The following CPEB3 variants were observed in gnomAD, a reference collection of about 807,000 sequenced individuals.
The protein encoded by CPEB3 is cytoplasmic polyadenylation element-binding protein 3.
A neutral mutation model predicts 67.2 loss-of-function variants in CPEB3; 20 were observed. That is an observed-to-expected ratio of 0.30 (90% CI 0.21 to 0.43). CPEB3 has a LOEUF of 0.43. CPEB3 is among the 20% of genes least tolerant of loss of function. The pLI is 1.00. For synonymous variants in CPEB3, 376 were observed against 393.1 expected (o/e 0.96, Z 0.51); for missense variants, 746 against 968.6 (o/e 0.77, Z 3.05).
intron 2 of CPEB3, among the ~76,000 whole-genome samples, chr10:92,230,812 TC>T (rs1001557832): frequency 5.3e-5 from 8 of 152,088 alleles, no homozygotes; most frequent in Non-Finnish European, 1.2e-4. Flanking sequence ...ACAGCAACCT[TC>T]CCAGGAAAGC....
intron 3 of CPEB3, among the ~76,000 whole-genome samples, chr10:92,186,061 C>T (rs1224468119): frequency 6.6e-6 from 1 of 151,834 alleles, no homozygotes; most frequent in African/African-American, 2.4e-5. Flanking sequence ...AAAGACTGTA[C>T]TCGAGAACAA....
At chr10:92,263,358 C>T (rs1338952322) in intron 1 of CPEB3, among the ~76,000 whole-genome samples, 2 of 152,094 alleles carry the variant, frequency 1.3e-5, no homozygotes, top group Non-Finnish European at 2.9e-5. Flanking sequence ...TTACGGGCCT[C>T]GTGAGCCACT....
At chr10:92,200,629 T>C (rs1414321992) in intron 2 of CPEB3, among the ~76,000 whole-genome samples, 1 of 151,786 alleles carries the variant, frequency 6.6e-6, no homozygotes, top group East Asian at 1.9e-4. Context: ...GGATGACTAA[T>C]TCCACTTACT....
chr10:92,101,377 T>G (rs980305703), intron 7 of CPEB3, among the ~76,000 whole-genome samples: 5 of 152,026 alleles, frequency 3.3e-5, no homozygotes, highest in African/African-American at 9.7e-5. Flanking sequence ...TTAGTCTACA[T>G]AAATTGGAAA....
chr10:92,227,981 G>A (rs189207990), intron 2 of CPEB3, among the ~76,000 whole-genome samples: 51 of 152,116 alleles, frequency 3.4e-4, no homozygotes, highest in African/African-American at 1.0e-3. Context: ...TCCACCTCCC[G>A]GATTCAAGCT....
Position 92,180,815 on chromosome 10 carries a change from G to A in CPEB3, c.1222+148C>T, listed in dbSNP as rs113421625. On this transcript the variant is annotated intron_variant, in intron 4 of 9. Transcript: ENST00000265997. ...GCAATGCTGATGCTGCTGGTCCAGGGACCACACTTTGAGAACCACTAGTAC... is the reference window on the plus strand; with the variant it reads ...GCAATGCTGATGCTGCTGGTCCAGGAACCACACTTTGAGAACCACTAGTAC... 1.1e-4 allele frequency: 65 copies of A among 581,724 alleles called. 1 individual carries two copies. The highest frequency in any genetic ancestry group is 1.1e-3 in the African/African-American group (54 of 51,078). 36.0% of individuals were successfully genotyped at this position (581,724 alleles called of 1,614,324 possible). A position where few individuals can be genotyped will look rare whatever the true frequency, so the allele number is the denominator to read the frequency against.
chr10:92,272,305 C>T (rs2135000361), intron 1 of CPEB3: 2 of 152,208 alleles, frequency 1.3e-5, no homozygotes, highest in South Asian at 4.1e-4. Context: ...TTTAGCACTT[C>T]CTTTTCTGGC....
chr10:92,071,325 T>A (rs775150838), intron 9 of CPEB3, among the ~76,000 whole-genome samples: 1 of 152,230 alleles, frequency 6.6e-6, no homozygotes, highest in African/African-American at 2.4e-5. Context: ...AATGGTTGTG[T>A]TGGGGGGCAG....
intron 1 of CPEB3, among the ~76,000 whole-genome samples, chr10:92,289,971 T>C (rs377534160): frequency 2.0e-5 from 3 of 147,970 alleles, no homozygotes; most frequent in East Asian, 3.9e-4. Context: ...ATTTCAAAAA[T>C]TGGAGGCCAA....
At chr10:92,053,389 G>T (rs1267883483) in intron 9 of CPEB3, among the ~76,000 whole-genome samples, 1 of 151,798 alleles carries the variant, frequency 6.6e-6, no homozygotes, top group African/African-American at 2.4e-5. Flanking sequence ...TTTTGAGATG[G>T]AGTCTCACTC....
At chr10:92,216,492 C>T (rs1330702691) in intron 2 of CPEB3, 19 of 1,612,780 alleles carry the variant, frequency 1.2e-5, no homozygotes, top group Non-Finnish European at 1.6e-5. Flanking sequence ...ATTAAGAAAG[C>T]GGTGAAGCAG....
intron 9 of CPEB3, among the ~76,000 whole-genome samples, chr10:92,057,799 G>T (rs1842169731): frequency 6.6e-6 from 1 of 152,230 alleles, no homozygotes; most frequent in Admixed American, 6.5e-5. Flanking sequence ...AAGAATCTCT[G>T]CCTGGTAATG....
At chr10:92,248,085 G>A (rs180776318) in intron 1 of CPEB3, among the ~76,000 whole-genome samples, 57 of 152,194 alleles carry the variant, frequency 3.7e-4, no homozygotes, top group Admixed American at 1.8e-3. Flanking sequence ...TCTTGTGGGC[G>A]TAGTTCCAAA....
chr10:92,121,511 T>C (rs1845384963), intron 6 of CPEB3, among the ~76,000 whole-genome samples: 1 of 151,388 alleles, frequency 6.6e-6, no homozygotes, highest in African/African-American at 2.4e-5. Context: ...TTAGAGCTTT[T>C]TTGTAGGTTT....
intron 9 of CPEB3, among the ~76,000 whole-genome samples, chr10:92,080,771 G>A (rs553830599): frequency 3.0e-4 from 46 of 151,732 alleles, no homozygotes; most frequent in African/African-American, 8.2e-4. Context: ...TTTTTTTTGT[G>A]TTTTTAGTAG....
intron 1 of CPEB3, among the ~76,000 whole-genome samples, chr10:92,275,477 G>A (rs951088746): frequency 1.3e-5 from 2 of 152,126 alleles, no homozygotes; most frequent in African/African-American, 4.8e-5. Flanking sequence ...AAATTATTGA[G>A]TAGTAAGTCT....
intron 2 of CPEB3, among the ~76,000 whole-genome samples, chr10:92,236,550 C>A (rs552961085): frequency 1.3e-5 from 2 of 152,156 alleles, no homozygotes; most frequent in East Asian, 1.9e-4. Context: ...GAGTTCAAGA[C>A]CAGCCTGGTC....
At chr10:92,069,863 G>A (rs894165467) in intron 9 of CPEB3, among the ~76,000 whole-genome samples, 9 of 152,160 alleles carry the variant, frequency 5.9e-5, no homozygotes, top group Admixed American at 5.9e-4. Context: ...AGACATTTTA[G>A]ATATGACAGA....
intron 6 of CPEB3, among the ~76,000 whole-genome samples, chr10:92,142,730 T>C (rs1846494960): frequency 6.6e-6 from 1 of 152,184 alleles, no homozygotes; most frequent in Admixed American, 6.5e-5. Flanking sequence ...ATTGCTGACA[T>C]TCCTCAAAAC....
Sources: gnomAD v4.1 joint callset for allele counts (sites outside exome capture counted in the v4.1 genomes callset) on GRCh38, gnomAD v4.1.1 for gene constraint, MANE v1.5 for transcripts, NCBI Gene and HGNC (gene_info 2026-07-23, HGNC 2026-07-21) for gene names.